THRB: variants seen among roughly 807,000 people sequenced by gnomAD.
THRB encodes the protein nuclear receptor subfamily 1 group A member 2.
Under a neutral mutation model 47.8 loss-of-function variants are expected in THRB, and 12 were observed. The ratio of observed to expected loss-of-function variants is 0.25; its 90% CI spans 0.16 to 0.41. The LOEUF (loss-of-function observed/expected upper bound fraction) is 0.41, where lower values mean the gene tolerates loss of function less well. THRB is among the 10% of genes least tolerant of loss of function. The pLI is 1.00. For synonymous variants in THRB, 218 were observed against 212.2 expected (o/e 1.03, Z -0.24); for missense variants, 348 against 589.2 (o/e 0.59, Z 4.24).
intron 1 of THRB, among the ~76,000 whole-genome samples, chr3:24,442,105 G>A (rs895010990): frequency 6.6e-6 from 1 of 152,084 alleles, no homozygotes; most frequent in African/African-American, 2.4e-5. Flanking sequence ...AGGCTGGAAA[G>A]CCCTCCAAAC....
At chr3:24,427,458 C>T (rs933403201) in intron 1 of THRB, among the ~76,000 whole-genome samples, 3 of 152,076 alleles carry the variant, frequency 2.0e-5, no homozygotes, top group East Asian at 1.9e-4. Flanking sequence ...GTTAACGTAG[C>T]TCATATGATT....
At chr3:24,368,249 C>T (rs960776003) in intron 1 of THRB, among the ~76,000 whole-genome samples, 2 of 152,222 alleles carry the variant, frequency 1.3e-5, no homozygotes, top group South Asian at 4.2e-4. Context: ...GTCTGGCATA[C>T]TCTATTACTT....
At chr3:24,370,112 A>AT (rs954359670) in intron 1 of THRB, among the ~76,000 whole-genome samples, 4 of 152,126 alleles carry the variant, frequency 2.6e-5, no homozygotes, top group African/African-American at 7.2e-5. Context: ...AACACAACAC[A>AT]TTTTTTAGGG....
chr3:24,488,059 A>G (rs1697569498), intron 1 of THRB, among the ~76,000 whole-genome samples: 1 of 152,222 alleles, frequency 6.6e-6, no homozygotes, highest in Admixed American at 6.5e-5. Flanking sequence ...TGCTACTAAC[A>G]CCATGACTAT....
intron 1 of THRB, among the ~76,000 whole-genome samples, chr3:24,349,620 G>A (rs907233797): frequency 6.6e-6 from 1 of 152,000 alleles, no homozygotes; most frequent in Non-Finnish European, 1.5e-5. Context: ...AATAAATGGT[G>A]GTAGGTTAAC....
chr3:24,448,570 T>C (rs1465471016), intron 1 of THRB, among the ~76,000 whole-genome samples: 1 of 152,180 alleles, frequency 6.6e-6, no homozygotes, highest in Non-Finnish European at 1.5e-5. Flanking sequence ...GGGGTCTTTA[T>C]TAAAAAGACT....
chr3:24,177,278 TGCCA>T (rs1160678143), intron 5 of THRB, among the ~76,000 whole-genome samples: 1 of 152,206 alleles, frequency 6.6e-6, no homozygotes, highest in Non-Finnish European at 1.5e-5. Context: ...CTAAGACAAA[TGCCA>T]GCCAGCCAAT....
chr3:24,330,014 A>G (rs2061814855), intron 2 of THRB, among the ~76,000 whole-genome samples: 1 of 152,220 alleles, frequency 6.6e-6, no homozygotes, highest in Non-Finnish European at 1.5e-5. Context: ...AAAAGTAAAG[A>G]TTTCATTTCG....
chr3:24,452,080 G>A (rs2072718178), intron 1 of THRB, among the ~76,000 whole-genome samples: 1 of 152,178 alleles, frequency 6.6e-6, no homozygotes, highest in African/African-American at 2.4e-5. Context: ...ACAACTATGG[G>A]AGAAATGAGA....
intron 5 of THRB, among the ~76,000 whole-genome samples, chr3:24,173,915 T>C (rs1559510902): frequency 6.6e-6 from 1 of 152,186 alleles, no homozygotes; most frequent in Non-Finnish European, 1.5e-5. Context: ...GTACCTCACA[T>C]ACCAATTCTA....
chr3:24,148,047 C>T, intron 6 of THRB, among the ~76,000 whole-genome samples: 1 of 152,286 alleles, frequency 6.6e-6, no homozygotes, highest in East Asian at 1.9e-4. Flanking sequence ...TATAAACAGT[C>T]CTGCCCCAGC....
At chr3:24,124,548 T>C (rs1381170276) in intron 10 of THRB, among the ~76,000 whole-genome samples, 2 of 152,196 alleles carry the variant, frequency 1.3e-5, no homozygotes, top group African/African-American at 2.4e-5. Flanking sequence ...GAGTACAAAT[T>C]GACATTTTGA....
chr3:24,412,170 C>A (rs909328361), intron 1 of THRB, among the ~76,000 whole-genome samples: 2 of 151,762 alleles, frequency 1.3e-5, no homozygotes, highest in Admixed American at 6.6e-5. Flanking sequence ...AGCTAATTTG[C>A]TTTTATAACA....
intron 5 of THRB, among the ~76,000 whole-genome samples, chr3:24,170,283 T>A (rs952912574): frequency 6.6e-6 from 1 of 152,172 alleles, no homozygotes; most frequent in Admixed American, 6.6e-5. Flanking sequence ...CTCCAAAATA[T>A]ATGTTTAATC....
chr3:24,182,572 G>A (rs1013519082), intron 5 of THRB, among the ~76,000 whole-genome samples: 5 of 152,192 alleles, frequency 3.3e-5, no homozygotes. Context: ...CATTCCTAAT[G>A]TCCAATGTGG....
chr3:24,456,182 A>T (rs554087906), intron 1 of THRB, among the ~76,000 whole-genome samples: 81 of 151,976 alleles, frequency 5.3e-4, no homozygotes, highest in Middle Eastern at 3.4e-3. Context: ...AAATTTTTTA[A>T]AAATTAACTG....
chr3:24,368,875 G>T (rs2064698184), intron 1 of THRB, among the ~76,000 whole-genome samples: 1 of 152,186 alleles, frequency 6.6e-6, no homozygotes, highest in Non-Finnish European at 1.5e-5. Context: ...CCAGAGCTCA[G>T]AAATTTTCTC....
chr3:24,344,755 G>A (rs2062899978), intron 1 of THRB, among the ~76,000 whole-genome samples: 2 of 151,694 alleles, frequency 1.3e-5, no homozygotes, highest in African/African-American at 2.4e-5. Flanking sequence ...GATACACTTG[G>A]ATACCTTCTA....
chr3:24,313,452 C>T (rs534527410), intron 2 of THRB, among the ~76,000 whole-genome samples: 5 of 152,266 alleles, frequency 3.3e-5, no homozygotes, highest in South Asian at 4.1e-4. Flanking sequence ...CTGCCACCCA[C>T]GGGACTAAAT....
Sources: allele counts gnomAD v4.1 joint callset (sites outside exome capture counted in the v4.1 genomes callset), GRCh38; gene constraint gnomAD v4.1.1; transcripts MANE v1.5; gene names NCBI Gene and HGNC (gene_info 2026-07-23, HGNC 2026-07-21).